Variants in ZHX2 observed in about 807,000 individuals in gnomAD.
The protein encoded by ZHX2 is zinc fingers and homeoboxes 2, also known as zinc fingers and homeoboxes protein 2.
Under a neutral mutation model 21.9 loss-of-function variants are expected in ZHX2, and 6 were observed. The ratio of observed to expected loss-of-function variants is 0.27; its 90% CI spans 0.15 to 0.54. The LOEUF (loss-of-function observed/expected upper bound fraction) is 0.54. Ranked by LOEUF, ZHX2 falls within the 20% of genes least tolerant of loss-of-function variation. ZHX2 has a pLI of 0.95. For synonymous variants in ZHX2, 434 were observed against 437.1 expected (o/e 0.99, Z 0.09); for missense variants, 908 against 1,090.7 (o/e 0.83, Z 2.36).
rs543698410 is a variant in ZHX2, at chr8:122,812,536, C to G, written c.-283+30590C>G. Among the ~76,000 whole-genome samples, 4 of 152,264 alleles carry G rather than the reference C, an allele frequency of 2.6e-5. No individual in the cohort carries two copies. In the East Asian group the frequency reaches 7.7e-4, roughly 29 times the overall value. On this transcript the variant is annotated intron_variant, in intron 1 of 3. Transcript: ENST00000314393. ...GGTTCCCTGATTCTTGGTCCAGAAC[C>G]CTTTCTCTCATGTCTCTGCTCCAGA...
chr8:122,883,630 A>AAG (rs1554630832), intron 2 of ZHX2, among the ~76,000 whole-genome samples: 2 of 151,862 alleles, frequency 1.3e-5, no homozygotes, highest in African/African-American at 4.8e-5. Flanking sequence ...TGGAAAAAAA[A>AAG]AGAGATAATA....
intron 2 of ZHX2, among the ~76,000 whole-genome samples, chr8:122,892,958 A>C (rs939949677): frequency 6.6e-6 from 1 of 152,252 alleles, no homozygotes; most frequent in Non-Finnish European, 1.5e-5. Context: ...TGCTGGGATT[A>C]CAGGCATGAG....
intron 1 of ZHX2, among the ~76,000 whole-genome samples, chr8:122,803,388 C>T (rs1248414779): frequency 1.3e-5 from 2 of 152,212 alleles, no homozygotes; most frequent in Non-Finnish European, 2.9e-5. Flanking sequence ...TATCAGGTCT[C>T]CTGTCATCTC....
chr8:122,839,016 A>C (rs1298270614), intron 1 of ZHX2, among the ~76,000 whole-genome samples: 1 of 152,240 alleles, frequency 6.6e-6, no homozygotes, highest in African/African-American at 2.4e-5. Flanking sequence ...TTAGAGATCA[A>C]ATCAGAAATT....
intron 3 of ZHX2, among the ~76,000 whole-genome samples, chr8:122,966,352 T>G (rs1384812567): frequency 6.6e-6 from 1 of 152,232 alleles, no homozygotes; most frequent in Non-Finnish European, 1.5e-5. Context: ...GCTTTGGTAG[T>G]GGTGAATTCT....
At chr8:122,858,643 T>C (rs1429741287) in intron 1 of ZHX2, among the ~76,000 whole-genome samples, 121 of 145,506 alleles carry the variant, frequency 8.3e-4, no homozygotes, top group African/African-American at 2.4e-3. Context: ...TCTTTCTTTT[T>C]TTTTTTTTTT....
At position 122,867,908 on chromosome 8, in the gene ZHX2, T is replaced by C. The variant is rs143149120; in HGVS notation, c.-220+4369T>C. 2.3e-3 allele frequency among the ~76,000 whole-genome samples: 345 copies of C among 152,334 alleles called. 1 individual carries two copies. The highest frequency in any genetic ancestry group is 8.0e-3 in the African/African-American group (333 of 41,580). ...ATTTTTTAAAATAGCATCATACTTT[T>C]CAAATGACTCCTGTTAGTTTTTCAG... On this transcript the variant is annotated intron_variant, in intron 2 of 3. Coordinates refer to ENST00000314393, the MANE Select transcript of ZHX2 (RefSeq NM_014943.5).
chr8:122,892,485 T>G (rs1345016978), intron 2 of ZHX2, among the ~76,000 whole-genome samples: 1 of 152,180 alleles, frequency 6.6e-6, no homozygotes, highest in Non-Finnish European at 1.5e-5. Flanking sequence ...CTGGTTGTTT[T>G]GTAATTTTTT....
intron 3 of ZHX2, among the ~76,000 whole-genome samples, chr8:122,955,659 G>A (rs980234972): frequency 3.3e-5 from 5 of 152,004 alleles, no homozygotes; most frequent in Non-Finnish European, 7.4e-5. Flanking sequence ...AAATGCCTGT[G>A]TGTCAAGGGT....
intron 3 of ZHX2, among the ~76,000 whole-genome samples, chr8:122,955,259 G>A (rs1246324494): frequency 6.6e-6 from 1 of 151,942 alleles, no homozygotes; most frequent in Admixed American, 6.6e-5. Flanking sequence ...TGGTGGGAGG[G>A]AAAGCAAATA....
intron 2 of ZHX2, among the ~76,000 whole-genome samples, chr8:122,918,875 G>C (rs1203295209): frequency 6.6e-6 from 1 of 151,246 alleles, no homozygotes; most frequent in Non-Finnish European, 1.5e-5. Flanking sequence ...TTGAACCTGG[G>C]AGATGGAGGT....
intron 3 of ZHX2, among the ~76,000 whole-genome samples, chr8:122,972,692 G>T (rs181140218): frequency 1.3e-5 from 2 of 152,264 alleles, no homozygotes; most frequent in Admixed American, 6.5e-5. Context: ...CATGTGCCAG[G>T]CACTAGTCCA....
intron 2 of ZHX2, among the ~76,000 whole-genome samples, chr8:122,869,523 G>A (rs1819380897): frequency 6.6e-6 from 1 of 152,078 alleles, no homozygotes; most frequent in South Asian, 2.1e-4. Flanking sequence ...GGACACCGTG[G>A]GGCTGGAGAG....
chr8:122,940,068 AC>A (rs1812803784), intron 2 of ZHX2, among the ~76,000 whole-genome samples: 1 of 152,206 alleles, frequency 6.6e-6, no homozygotes, highest in African/African-American at 2.4e-5. Context: ...TGGTGAATTA[AC>A]ATGCAGCATT....
intron 2 of ZHX2, among the ~76,000 whole-genome samples, chr8:122,925,886 A>C (rs1011449744): frequency 5.9e-5 from 9 of 152,140 alleles, no homozygotes; most frequent in Admixed American, 6.6e-5. Flanking sequence ...TGGAAGGGTG[A>C]TTGGGAGGCC....
In ZHX2 at chr8:122,874,927, C is replaced by G. The variant is rs1398584854; in HGVS notation, c.-220+11388C>G. Among the ~76,000 whole-genome samples, 5 of 151,680 alleles carry G rather than the reference C, an allele frequency of 3.3e-5. No individual in the cohort carries two copies. In the South Asian group the frequency reaches 1.0e-3, roughly 32 times the overall value. ...ACCTGGGTTTATGTCCCAGCTCTAT[C>G]CCTTACTAGCAACGTGACCTTGGGC... On this transcript the variant is annotated intron_variant, in intron 2 of 3. Transcript: ENST00000314393.
At chr8:122,830,011 C>T (rs1179506740) in intron 1 of ZHX2, among the ~76,000 whole-genome samples, 1 of 152,178 alleles carries the variant, frequency 6.6e-6, no homozygotes, top group Admixed American at 6.5e-5. Flanking sequence ...AGAGCAACTC[C>T]ATCTTGAATG....
chr8:122,890,089 G>T (rs1256963429), intron 2 of ZHX2, among the ~76,000 whole-genome samples: 2 of 152,130 alleles, frequency 1.3e-5, no homozygotes, highest in East Asian at 3.9e-4. Context: ...TTATAGTTTG[G>T]GGTCTTACAT....
chr8:122,940,431 G>A (rs115909554), intron 2 of ZHX2, among the ~76,000 whole-genome samples: 4,831 of 152,240 alleles, frequency 0.032, 235 homozygotes, highest in African/African-American at 0.11. Context: ...AGTTCTGACT[G>A]CCCTGTCTGA....
Sources: gnomAD v4.1 joint callset for allele counts (sites outside exome capture counted in the v4.1 genomes callset) on GRCh38, gnomAD v4.1.1 for gene constraint, MANE v1.5 for transcripts, NCBI Gene and HGNC (gene_info 2026-07-23, HGNC 2026-07-21) for gene names.